The following PTPRG variants were observed in gnomAD, a reference collection of about 807,000 sequenced individuals.
PTPRG encodes receptor-type tyrosine-protein phosphatase gamma.
In PTPRG, 102 loss-of-function variants were observed where a neutral mutation model predicts 165.3. The ratio of observed to expected loss-of-function variants is 0.62; its 90% CI spans 0.53 to 0.73. The LOEUF (loss-of-function observed/expected upper bound fraction) is 0.73. PTPRG is among the 30% of genes least tolerant of loss of function. The probability of loss-of-function intolerance (pLI) is 0.00; values close to 1 mark genes in which losing one functional copy is unlikely to be tolerated. For missense variants in PTPRG, 1,866 were observed against 1,861.4 expected, an observed-to-expected ratio of 1.00 and a Z score of -0.05; for synonymous variants, 675 against 669.5, an observed-to-expected ratio of 1.01 and a Z score of -0.13.
intron 4 of PTPRG, among the ~76,000 whole-genome samples, chr3:62,006,539 TAATTTATCATGGAGC>T (rs2041302582): frequency 6.6e-6 from 1 of 152,194 alleles, no homozygotes; most frequent in South Asian, 2.1e-4. Flanking sequence ...TAAGAAAATT[TAATTTATCATGGAGC>T]AATTTATCAG....
intron 4 of PTPRG, among the ~76,000 whole-genome samples, chr3:62,023,317 T>A (rs2041740811): frequency 6.6e-6 from 1 of 152,196 alleles, no homozygotes; most frequent in African/African-American, 2.4e-5. Context: ...ATAGAATTAA[T>A]CAAAAACAGA....
intron 2 of PTPRG, among the ~76,000 whole-genome samples, chr3:61,777,389 A>G (rs1480049147): frequency 1.3e-5 from 2 of 152,230 alleles, no homozygotes; most frequent in East Asian, 3.8e-4. Context: ...AGGCAGAGAA[A>G]TAAGCTTTCA....
intron 1 of PTPRG, among the ~76,000 whole-genome samples, chr3:61,740,301 A>G (rs1417514047): frequency 6.6e-6 from 1 of 152,182 alleles, no homozygotes; most frequent in Non-Finnish European, 1.5e-5. Flanking sequence ...TCTGTCTGAT[A>G]TTTGATGCCG....
intron 1 of PTPRG, among the ~76,000 whole-genome samples, chr3:61,627,320 T>TA (rs750510631): frequency 1.2e-4 from 18 of 152,216 alleles, no homozygotes; most frequent in South Asian, 2.1e-4. Flanking sequence ...TGATTTGGGG[T>TA]AAAAAAACAT....
rs1006962708 is a variant in PTPRG, at chr3:62,213,908, C to T, written c.2156-4943C>T. 3.9e-5 allele frequency among the ~76,000 whole-genome samples: 6 copies of T among 152,016 alleles called. No homozygotes were observed. Among genetic ancestry groups the T allele is most frequent in the Non-Finnish European group, 5.9e-5 (4 of 68,008 alleles). ...CTTCTGAAGGACACAGCAAGAAGTA[C>T]GGGGGCCGTGCACAGTGGCTCACAC... is the stretch of plus-strand genomic sequence containing the variant. On this transcript the variant is annotated intron_variant, in intron 12 of 29. Coordinates refer to ENST00000474889, the MANE Select transcript of PTPRG (RefSeq NM_002841.4). The surrounding 1 kb of genome is among the most constrained non-coding windows in gnomAD (Gnocchi z 4.4).
intron 8 of PTPRG, among the ~76,000 whole-genome samples, chr3:62,178,718 T>C (rs866237118): frequency 8.5e-5 from 13 of 152,236 alleles, no homozygotes; most frequent in Middle Eastern, 6.8e-3. Context: ...CCATCTAGTG[T>C]TTTCACACTT....
At chr3:62,199,436 G>T (rs1055879933) in intron 10 of PTPRG, among the ~76,000 whole-genome samples, 5 of 151,084 alleles carry the variant, frequency 3.3e-5, no homozygotes, top group Admixed American at 6.5e-5. Context: ...CCTAAAGGGG[G>T]TGATGGACAC....
chr3:62,137,982 A>C (rs1230959357), intron 6 of PTPRG, among the ~76,000 whole-genome samples: 1 of 152,224 alleles, frequency 6.6e-6, no homozygotes, highest in East Asian at 1.9e-4. Flanking sequence ...TAAGAGGATC[A>C]GCTTCAATGA....
At chr3:61,737,202 A>G (rs1019360941) in intron 1 of PTPRG, among the ~76,000 whole-genome samples, 6 of 151,424 alleles carry the variant, frequency 4.0e-5, no homozygotes, top group African/African-American at 1.5e-4. Context: ...CTCTCTCTCT[A>G]AGTACATTCT....
At position 62,224,492 on chromosome 3, in the gene PTPRG, G is replaced by A. The variant is rs1700718095; in HGVS notation, c.2288+5509G>A. 6.6e-6 allele frequency among the ~76,000 whole-genome samples: 1 copy of A among 152,200 alleles called. No individual in the cohort carries two copies. The highest frequency in any genetic ancestry group is 2.4e-5 in the African/African-American group (1 of 41,448). On this transcript the variant is annotated intron_variant, in intron 13 of 29. Coordinates refer to ENST00000474889, the MANE Select transcript of PTPRG (RefSeq NM_002841.4). The surrounding 1 kb of genome is among the most constrained non-coding windows in gnomAD (Gnocchi z 4.9). ...ACTCCTTCATTCACCACTGGCCACA[G>A]ATGGTCACACAGCCCCAAGGACACA...
At chr3:62,105,974 C>T (rs1365046979) in intron 5 of PTPRG, among the ~76,000 whole-genome samples, 1 of 152,122 alleles carries the variant, frequency 6.6e-6, no homozygotes, top group Non-Finnish European at 1.5e-5. Flanking sequence ...TTTGTAGAAA[C>T]ATTAACACAT....
At chr3:61,600,998 T>C (rs1275815095) in intron 1 of PTPRG, among the ~76,000 whole-genome samples, 1 of 152,244 alleles carries the variant, frequency 6.6e-6, no homozygotes, top group Non-Finnish European at 1.5e-5. Context: ...CTCACGCCTG[T>C]GACCCCAGCA....
intron 4 of PTPRG, among the ~76,000 whole-genome samples, chr3:62,047,047 A>G (rs1700315683): frequency 6.6e-6 from 1 of 152,160 alleles, no homozygotes; most frequent in South Asian, 2.1e-4. Context: ...GCAGAGCAAT[A>G]AGTGGAACCC....
intron 12 of PTPRG, among the ~76,000 whole-genome samples, chr3:62,215,003 A>C (rs898134286): frequency 1.2e-4 from 19 of 152,204 alleles, no homozygotes; most frequent in African/African-American, 4.6e-4. Context: ...CACTCCCTGC[A>C]GTAGGAATGG....
At position 61,694,278 on chromosome 3, in the gene PTPRG, G is replaced by A. The variant is rs575896118; in HGVS notation, c.86-54600G>A. On this transcript the variant is annotated intron_variant, in intron 1 of 29. Transcript: ENST00000474889. ...GACAGGCAAGAGGCCAGTTCATGAA[G>A]GGCCTTGGGTCTTTTAAAGACATTA... Among the ~76,000 whole-genome samples the A allele has an allele frequency of 3.3e-5, 5 of 152,296 alleles. No individual in the cohort carries two copies. In the South Asian group the frequency reaches 1.0e-3, roughly 32 times the overall value.
chr3:61,911,384 C>T (rs1372170997), intron 2 of PTPRG, among the ~76,000 whole-genome samples: 1 of 152,138 alleles, frequency 6.6e-6, no homozygotes, highest in African/African-American at 2.4e-5. Context: ...AATGCTAATT[C>T]CATCACTTTG....
intron 2 of PTPRG, among the ~76,000 whole-genome samples, chr3:61,985,631 C>T (rs1575851686): frequency 1.3e-5 from 2 of 152,288 alleles, no homozygotes; most frequent in South Asian, 2.1e-4. Context: ...TGTCCCATTT[C>T]TCAGCCCTGT....
intron 2 of PTPRG, among the ~76,000 whole-genome samples, chr3:61,777,084 C>T (rs1031449953): frequency 1.9e-4 from 29 of 152,112 alleles, no homozygotes; most frequent in Admixed American, 3.9e-4. Flanking sequence ...TGAAGCATTT[C>T]GTTGAATTGT....
At chr3:62,279,349 A>C (rs1322990612) in intron 26 of PTPRG, among the ~76,000 whole-genome samples, 1 of 152,102 alleles carries the variant, frequency 6.6e-6, no homozygotes, top group Non-Finnish European at 1.5e-5. Flanking sequence ...TTAGACTTTC[A>C]AGATGAACCA....
Sources: allele counts gnomAD v4.1 joint callset (sites outside exome capture counted in the v4.1 genomes callset), GRCh38; gene constraint gnomAD v4.1.1; non-coding constraint Gnocchi (gnomAD v3.1); transcripts MANE v1.5; gene names NCBI Gene and HGNC (gene_info 2026-07-23, HGNC 2026-07-21).